Variants in THNSL1 observed in about 807,000 individuals in gnomAD.
The protein encoded by THNSL1 is threonine synthase like 1, also known as threonine synthase-like 1.
Under a neutral mutation model 50.4 loss-of-function variants are expected in THNSL1, and 48 were observed. The ratio of observed to expected loss-of-function variants is 0.95; its 90% confidence interval spans 0.76 to 1.21. The LOEUF is 1.21. THNSL1 is among the 50% of genes most tolerant of loss of function. The pLI is 0.00. For synonymous variants in THNSL1, 309 were observed against 306.1 expected (o/e 1.01, Z -0.10); for missense variants, 896 against 871.7 (o/e 1.03, Z -0.35).
the THNSL1 span, among the ~76,000 whole-genome samples, chr10:25,005,236 A>G: frequency 6.6e-6 from 1 of 152,188 alleles, no homozygotes; most frequent in Non-Finnish European, 1.5e-5. Context: ...TAGAATTATG[A>G]GATATGGGCT....
At chr10:25,017,721 TTAGA>T (rs1252036345) in intron 1 of THNSL1, among the ~76,000 whole-genome samples, 1 of 152,174 alleles carries the variant, frequency 6.6e-6, no homozygotes, top group Non-Finnish European at 1.5e-5. Flanking sequence ...CCAAAACATT[TTAGA>T]TAGATGGATC....
At chr10:24,970,982 CCACTG>C in the THNSL1 span, among the ~76,000 whole-genome samples, 1 of 152,286 alleles carries the variant, frequency 6.6e-6, no homozygotes, top group African/African-American at 2.4e-5. Context: ...TGAGAACATG[CCACTG>C]CACTCCAGCT....
the THNSL1 span, among the ~76,000 whole-genome samples, chr10:24,979,729 A>C: frequency 2.0e-5 from 3 of 152,148 alleles, no homozygotes; most frequent in African/African-American, 7.2e-5. Flanking sequence ...CTTTCAATCT[A>C]TCTTTCCATC....
chr10:25,023,979 T>C lies in THNSL1; in HGVS notation c.756T>C (p.Ser252=). The change falls in exon 3 of 3, where the codon AGT becomes AGC. Residue 252 remains serine, a synonymous_variant. Coordinates refer to ENST00000376356, the MANE Select transcript of THNSL1 (RefSeq NM_024838.5). ...CEQKVSAKFF[S]EAVIEGLASD... Reference sequence around the variant, plus strand: ...AGAAGGTTTCAGCAAAATTCTTTAGTGAAGCTGTAATTGAGGGGTTGGCTT... The same window carrying C: ...AGAAGGTTTCAGCAAAATTCTTTAGCGAAGCTGTAATTGAGGGGTTGGCTT... The C allele has an allele frequency of 6.2e-7, 1 of 1,614,220 alleles. No individual in the cohort carries two copies. The highest frequency in any genetic ancestry group is 8.5e-7 in the Non-Finnish European group (1 of 1,180,020).
the THNSL1 span, among the ~76,000 whole-genome samples, chr10:24,980,118 G>A: frequency 6.6e-6 from 1 of 152,168 alleles, no homozygotes; most frequent in African/African-American, 2.4e-5. Flanking sequence ...TTCAGTCCAC[G>A]TAGCGAATGA....
chr10:25,021,251 A>G (rs1479034939), intron 1 of THNSL1, among the ~76,000 whole-genome samples: 6 of 152,354 alleles, frequency 3.9e-5, no homozygotes, highest in South Asian at 2.1e-4. Context: ...TGATTTTATT[A>G]TAGACACTTA....
At chr10:24,987,403 G>A in the THNSL1 span, among the ~76,000 whole-genome samples, 21 of 152,100 alleles carry the variant, frequency 1.4e-4, no homozygotes, top group Non-Finnish European at 2.9e-4. Context: ...TTGAGAGGCT[G>A]AGGGAGGAGG....
chr10:24,966,853 A>G, the THNSL1 span, among the ~76,000 whole-genome samples: 1 of 152,230 alleles, frequency 6.6e-6, no homozygotes, highest in South Asian at 2.1e-4. Context: ...ATGAGGACTG[A>G]GTTAATTTAG....
At chr10:24,989,285 T>C in the THNSL1 span, among the ~76,000 whole-genome samples, 1 of 152,152 alleles carries the variant, frequency 6.6e-6, no homozygotes, top group African/African-American at 2.4e-5. Context: ...CTGTCTGCCT[T>C]CCTCCTTTGC....
the THNSL1 span, among the ~76,000 whole-genome samples, chr10:25,007,760 G>GT: frequency 4.6e-5 from 7 of 151,960 alleles, no homozygotes; most frequent in African/African-American, 1.7e-4. Flanking sequence ...ATTATAGGCA[G>GT]TAACTCAAAA....
chr10:24,996,834 G>A, the THNSL1 span, among the ~76,000 whole-genome samples: 1 of 152,134 alleles, frequency 6.6e-6, no homozygotes. Flanking sequence ...GAATTCATAT[G>A]TTGAAGCCCT....
chr10:24,977,917 T>C, the THNSL1 span, among the ~76,000 whole-genome samples: 2 of 152,176 alleles, frequency 1.3e-5, no homozygotes, highest in South Asian at 4.1e-4. Flanking sequence ...ATCAGCAATA[T>C]CATTTAGATA....
At chr10:24,985,999 T>C in the THNSL1 span, among the ~76,000 whole-genome samples, 3 of 152,066 alleles carry the variant, frequency 2.0e-5, no homozygotes, top group Non-Finnish European at 4.4e-5. Context: ...GCTCAGGAGG[T>C]TGAGGCTGCA....
Position 25,023,669 on chromosome 10 carries a change from G to T in THNSL1, c.446G>T (p.Gly149Val), listed in dbSNP as rs759681656. The T allele has an allele frequency of 2.5e-6, 4 of 1,613,988 alleles. No individual in the cohort carries two copies. The highest frequency in any genetic ancestry group is 4.5e-5 in the East Asian group (2 of 44,894). The change falls in exon 3 of 3, where the codon GGA becomes GTA. Residue 149 changes from glycine (G) to valine (V), a missense_variant. Coordinates refer to ENST00000376356, the MANE Select transcript of THNSL1 (RefSeq NM_024838.5). Reference sequence around the variant, plus strand: ...AGCATGTGGCATCTGAAGAAAAATGGAATAATTGTATACCTGGATGTACCT... The same window carrying T: ...AGCATGTGGCATCTGAAGAAAAATGTAATAATTGTATACCTGGATGTACCT... ...DASMWHLKKN[G>V]IIVYLDVPLL...
At chr10:25,016,451 C>A (rs1014606605), upstream of THNSL1, among the ~76,000 whole-genome samples, 19 of 152,228 alleles carry the variant, frequency 1.2e-4, no homozygotes, top group Admixed American at 1.0e-3. Context: ...AGGCCCCAAT[C>A]GCGGTGTGGG....
chr10:25,023,486 A>T lies in THNSL1; in HGVS notation c.263A>T (p.Asp88Val), dbSNP rs1850767004. 15 of 1,614,188 alleles carry T rather than the reference A, an allele frequency of 9.3e-6. No homozygotes were observed. The highest frequency in any genetic ancestry group is 1.3e-5 in the Non-Finnish European group (15 of 1,180,022). The stretch of plus-strand genomic sequence containing the variant: ...GGTTGTTGTGTCATAGATGTGGATG[A>T]TGATATCCTTGAAAAAACCTGGAAT... Reference protein sequence around the residue: ...KLGCCVIDVDDDILEKTWNMS... With the variant: ...KLGCCVIDVDVDILEKTWNMS... Residue 88 changes from aspartate to valine, a missense_variant, in exon 3 of 3, where the codon GAT (aspartate) becomes GTT (valine). By Grantham distance (152) the Asp-to-Val change is radical. Transcript: ENST00000376356.
chr10:25,016,008 T>C (rs1178176336), upstream of THNSL1: 38 of 1,545,652 alleles, frequency 2.5e-5, no homozygotes, highest in Admixed American at 5.6e-4. Flanking sequence ...TCCGTCCCTT[T>C]CTTCACTGCT....
the THNSL1 span, among the ~76,000 whole-genome samples, chr10:24,961,915 T>G: frequency 1.7e-3 from 255 of 152,332 alleles, no homozygotes; most frequent in Non-Finnish European, 2.9e-3. Flanking sequence ...ATTTTTCGTA[T>G]CTGTTCAATG....
chr10:24,978,687 A>G, the THNSL1 span, among the ~76,000 whole-genome samples: 1 of 152,148 alleles, frequency 6.6e-6, no homozygotes, highest in Admixed American at 6.5e-5. Flanking sequence ...TAGCTTGTCA[A>G]ATGATGTTCT....
Sources: gnomAD v4.1 joint callset for allele counts (sites outside exome capture counted in the v4.1 genomes callset) on GRCh38, gnomAD v4.1.1 for gene constraint, MANE v1.5 for transcripts, NCBI Gene and HGNC (gene_info 2026-07-23, HGNC 2026-07-21) for gene names.